The following PRKCE variants were observed in gnomAD, a reference collection of about 807,000 sequenced individuals.
The protein encoded by PRKCE is protein kinase C epsilon.
Under a neutral mutation model 85.4 loss-of-function variants are expected in PRKCE, and 16 were observed. That is an observed-to-expected ratio of 0.19 (90% CI 0.13 to 0.28). The LOEUF (loss-of-function observed/expected upper bound fraction) is 0.28. Among genes scored for constraint, PRKCE ranks in the 10% least tolerant of loss-of-function variants. The probability of loss-of-function intolerance (pLI) is 1.00; values close to 1 mark genes in which losing one functional copy is unlikely to be tolerated. For missense variants in PRKCE, 573 were observed against 975.2 expected (o/e 0.59, Z 5.49); for synonymous variants, 388 against 371.5 (o/e 1.04, Z -0.51).
intron 10 of PRKCE, among the ~76,000 whole-genome samples, chr2:46,046,556 A>G (rs1433489737): frequency 6.6e-6 from 1 of 152,210 alleles, no homozygotes; most frequent in Non-Finnish European, 1.5e-5. Flanking sequence ...TACACGTCAC[A>G]TTGAAAAATG....
intron 1 of PRKCE, among the ~76,000 whole-genome samples, chr2:45,823,555 A>T (rs1024438174): frequency 2.0e-4 from 30 of 152,160 alleles, no homozygotes; most frequent in Non-Finnish European, 4.1e-4. Flanking sequence ...GATGTGTTAC[A>T]CTCCAGATAG....
intron 1 of PRKCE, among the ~76,000 whole-genome samples, chr2:45,776,717 C>T (rs1266030308): frequency 6.6e-6 from 1 of 152,220 alleles, no homozygotes; most frequent in African/African-American, 2.4e-5. Context: ...CACCATGACA[C>T]TCTGATTCCG....
At chr2:45,824,807 A>T (rs1459629141) in intron 1 of PRKCE, among the ~76,000 whole-genome samples, 1 of 152,002 alleles carries the variant, frequency 6.6e-6, no homozygotes, top group Admixed American at 6.6e-5. Flanking sequence ...TGTGTTGCTT[A>T]TCTGTTTATG....
intron 1 of PRKCE, among the ~76,000 whole-genome samples, chr2:45,681,885 T>C (rs1419641030): frequency 6.6e-6 from 1 of 152,210 alleles, no homozygotes; most frequent in Admixed American, 6.5e-5. Flanking sequence ...ATTTGGCACT[T>C]ATTACATCCT....
chr2:46,131,349 G>T (rs1462986855), intron 11 of PRKCE, among the ~76,000 whole-genome samples: 2 of 152,148 alleles, frequency 1.3e-5, no homozygotes, highest in Non-Finnish European at 1.5e-5. Context: ...GACTCTCCTG[G>T]ATCTTCTGAT....
chr2:46,123,762 A>G (rs1266738116), intron 11 of PRKCE, among the ~76,000 whole-genome samples: 2 of 152,210 alleles, frequency 1.3e-5, no homozygotes, highest in Non-Finnish European at 2.9e-5. Context: ...CTGGGATTAT[A>G]GGCATGAGCC....
chr2:46,151,867 A>C (rs1676666338), intron 13 of PRKCE, among the ~76,000 whole-genome samples: 1 of 152,248 alleles, frequency 6.6e-6, no homozygotes, highest in Admixed American at 6.5e-5. Context: ...ACGATGTAAC[A>C]ATGCTTGTAC....
chr2:45,798,896 G>A lies in PRKCE; in HGVS notation c.349-44104G>A, dbSNP rs557562483. Among the ~76,000 whole-genome samples, 20 of 151,900 alleles carry A rather than the reference G, an allele frequency of 1.3e-4. 1 individual carries two copies. The highest frequency in any genetic ancestry group is 4.8e-4 in the African/African-American group (20 of 41,488). ...TAAAATGTGAGCATTGGCCGGGCAC[G>A]GTGGCTCACGCCTATAATCCCAGCA... On this transcript the variant is annotated intron_variant, in intron 1 of 14. Coordinates refer to ENST00000306156, the MANE Select transcript of PRKCE (RefSeq NM_005400.3).
chr2:45,941,341 A>T (rs1220166212), intron 2 of PRKCE, among the ~76,000 whole-genome samples: 2 of 152,172 alleles, frequency 1.3e-5, no homozygotes, highest in African/African-American at 2.4e-5. Flanking sequence ...TTCAACAAAT[A>T]TTGGATGGAC....
At position 46,186,154 on chromosome 2, in the gene PRKCE, C is replaced by T. The variant is rs1331438544; in HGVS notation, c.*1273C>T. The T allele has an allele frequency of 1.3e-5, 2 of 152,486 alleles. No homozygotes were observed. The highest frequency in any genetic ancestry group is 4.8e-5 in the African/African-American group (2 of 41,388). 9.4% of individuals were successfully genotyped at this position (152,486 alleles called of 1,614,324 possible). A position where few individuals can be genotyped will look rare whatever the true frequency, so the allele number is the denominator to read the frequency against. On this transcript the variant is annotated 3_prime_UTR_variant, in exon 15 of 15. Transcript: ENST00000306156. ...CTATTGAAGGGATGTGACATTACCT[C>T]CTGTAGATATGCTAACAGTGTTATT... is the stretch of plus-strand genomic sequence containing the variant.
chr2:45,964,492 G>A (rs1701603406), intron 2 of PRKCE, among the ~76,000 whole-genome samples: 1 of 152,228 alleles, frequency 6.6e-6, no homozygotes, highest in South Asian at 2.1e-4. Context: ...CTTTCAGCAG[G>A]TCTGCCTGGA....
intron 1 of PRKCE, among the ~76,000 whole-genome samples, chr2:45,813,435 C>G (rs1688794385): frequency 6.6e-6 from 1 of 152,164 alleles, no homozygotes; most frequent in African/African-American, 2.4e-5. Flanking sequence ...GGGGCTTATT[C>G]CTGAGCAGAG....
intron 3 of PRKCE, among the ~76,000 whole-genome samples, chr2:45,977,261 GAAT>G (rs1407205998): frequency 6.6e-6 from 1 of 152,040 alleles, no homozygotes; most frequent in Admixed American, 6.6e-5. Context: ...GGATTCCACT[GAAT>G]AATAATCCAC....
chr2:46,103,066 G>A lies in PRKCE; in HGVS notation c.1592+16704G>A, dbSNP rs375368667. 1.8e-4 allele frequency among the ~76,000 whole-genome samples: 28 copies of A among 152,308 alleles called. No individual in the cohort carries two copies. The East Asian group carries it at 5.0e-3, about 27-fold the overall frequency. ...TAGAATTCTTCCACCCATGTGCATT[G>A]TCTCCTCCACCATTATATATGTATT... On this transcript the variant is annotated intron_variant, in intron 11 of 14. Coordinates refer to ENST00000306156, the MANE Select transcript of PRKCE (RefSeq NM_005400.3).
chr2:45,798,985 G>A (rs576421562), intron 1 of PRKCE, among the ~76,000 whole-genome samples: 1 of 152,032 alleles, frequency 6.6e-6, no homozygotes, highest in Admixed American at 6.5e-5. Context: ...GGCTAACATG[G>A]TGAAACCCCG....
At chr2:46,160,071 G>C (rs1421473970) in intron 14 of PRKCE, 2 of 280,812 alleles carry the variant, frequency 7.1e-6, no homozygotes, top group East Asian at 1.1e-4. Context: ...GTATGGTAGA[G>C]ACATAAGGTT....
At chr2:46,120,522 G>A (rs1426418871) in intron 11 of PRKCE, among the ~76,000 whole-genome samples, 1 of 152,172 alleles carries the variant, frequency 6.6e-6, no homozygotes, top group African/African-American at 2.4e-5. Flanking sequence ...GGGTAGCTGT[G>A]AGCTAACAGG....
intron 6 of PRKCE, among the ~76,000 whole-genome samples, chr2:45,997,023 G>A (rs943724948): frequency 2.6e-5 from 4 of 152,126 alleles, no homozygotes; most frequent in Non-Finnish European, 4.4e-5. Context: ...TACTGTGTAT[G>A]TCTTCTTATG....
chr2:45,956,293 GT>G (rs1558882633), intron 2 of PRKCE, among the ~76,000 whole-genome samples: 2 of 152,114 alleles, frequency 1.3e-5, no homozygotes, highest in African/African-American at 4.8e-5. Flanking sequence ...TTTCATACAG[GT>G]TTTTATGTAA....
Sources: gnomAD v4.1 joint callset for allele counts (sites outside exome capture counted in the v4.1 genomes callset) on GRCh38, gnomAD v4.1.1 for gene constraint, MANE v1.5 for transcripts, NCBI Gene and HGNC (gene_info 2026-07-23, HGNC 2026-07-21) for gene names.